MICU3: variants seen among roughly 807,000 people sequenced by gnomAD.
MICU3 encodes the protein calcium uptake protein 3, mitochondrial.
Under a neutral mutation model 66.5 loss-of-function variants are expected in MICU3, and 62 were observed. The observed-to-expected ratio is 0.93, with a 90% CI of 0.76 to 1.15. MICU3 has a LOEUF of 1.15. Ranked by LOEUF, MICU3 falls within the 50% of genes most tolerant of loss-of-function variation. MICU3 has a pLI of 0.00. For missense variants in MICU3, 779 were observed against 664.4 expected (o/e 1.17, Z -1.90); for synonymous variants, 308 against 240.7 (o/e 1.28, Z -2.59).
At chr8:17,029,463 C>T (rs540630560) in intron 1 of MICU3, among the ~76,000 whole-genome samples, 59 of 151,716 alleles carry the variant, frequency 3.9e-4, no homozygotes, top group African/African-American at 1.3e-3. Context: ...GTGACAAGAG[C>T]GAAACTCCAT....
intron 1 of MICU3, among the ~76,000 whole-genome samples, chr8:17,059,500 C>A (rs925794243): frequency 6.6e-6 from 1 of 152,050 alleles, no homozygotes; most frequent in East Asian, 1.9e-4. Context: ...TTTTATAGAC[C>A]TACCACTCTA....
chr8:17,030,603 G>A lies in MICU3; in HGVS notation c.381+2943G>A, dbSNP rs559506935. On this transcript the variant is annotated intron_variant, in intron 1 of 14. Transcript: ENST00000318063. ...CTCTTTTTCTCTGATGCTGTTGAGC[G>A]TCTACAAAAAATAGAGATGGGAGGT... Among the ~76,000 whole-genome samples, 16 of 152,156 alleles carry A rather than the reference G, an allele frequency of 1.1e-4. 1 individual carries two copies. The highest frequency in any genetic ancestry group is 5.2e-4 in the Admixed American group (8 of 15,286).
intron 7 of MICU3, among the ~76,000 whole-genome samples, chr8:17,089,286 A>T (rs1799796893): frequency 6.6e-6 from 1 of 152,058 alleles, no homozygotes; most frequent in Admixed American, 6.6e-5. Flanking sequence ...CTCTCCAAAT[A>T]GTCATTACTG....
intron 1 of MICU3, among the ~76,000 whole-genome samples, chr8:17,033,239 GGAAA>G (rs1812393394): frequency 6.6e-6 from 1 of 152,180 alleles, no homozygotes; most frequent in Non-Finnish European, 1.5e-5. Context: ...GGTCTCTTGT[GGAAA>G]GAGTTAGCGA....
intron 1 of MICU3, among the ~76,000 whole-genome samples, chr8:17,031,335 T>A (rs1349698600): frequency 6.6e-6 from 1 of 151,076 alleles, no homozygotes; most frequent in Non-Finnish European, 1.5e-5. Flanking sequence ...TCGCTCAGGC[T>A]GGACTGCAGG....
chr8:17,096,531 G>GT (rs947429556), intron 8 of MICU3, among the ~76,000 whole-genome samples: 1 of 151,746 alleles, frequency 6.6e-6, no homozygotes, highest in Non-Finnish European at 1.5e-5. Context: ...TTTATTAGCT[G>GT]TTTTTTCCTG....
chr8:17,033,684 G>A (rs777256995), intron 1 of MICU3, among the ~76,000 whole-genome samples: 14 of 152,078 alleles, frequency 9.2e-5, no homozygotes, highest in Non-Finnish European at 1.6e-4. Flanking sequence ...TGATTTGCCC[G>A]ACTTGGCCTC....
At chr8:17,119,695 T>A (rs1371025053) in intron 14 of MICU3, among the ~76,000 whole-genome samples, 1 of 151,964 alleles carries the variant, frequency 6.6e-6, no homozygotes, top group Non-Finnish European at 1.5e-5. Context: ...CCCCATAGAG[T>A]TTATTAGATT....
At chr8:17,126,049 A>C (rs574078283), downstream of MICU3, among the ~76,000 whole-genome samples, 1,178 of 151,674 alleles carry the variant, frequency 7.8e-3, 14 homozygotes, top group Middle Eastern at 0.02. Context: ...AAAAAAAAAA[A>C]AAACCTCTCT....
chr8:17,117,542 T>TAAGAG (rs1802801266), intron 13 of MICU3, among the ~76,000 whole-genome samples: 1 of 151,976 alleles, frequency 6.6e-6, no homozygotes, highest in African/African-American at 2.4e-5. Context: ...GAAAAAATGT[T>TAAGAG]CTGTTAAAAT....
intron 1 of MICU3, among the ~76,000 whole-genome samples, chr8:17,039,573 T>A (rs1813673128): frequency 6.6e-6 from 1 of 152,204 alleles, no homozygotes; most frequent in Non-Finnish European, 1.5e-5. Context: ...TTGGGTTTAA[T>A]GTGACTTCTT....
At chr8:17,094,736 A>G (rs973479232) in intron 8 of MICU3, among the ~76,000 whole-genome samples, 3 of 152,024 alleles carry the variant, frequency 2.0e-5, no homozygotes, top group African/African-American at 7.2e-5. Context: ...GCTCATGAAA[A>G]AAGTGGCTAG....
chr8:17,086,891 C>T (rs918279279), intron 6 of MICU3, 73 bp from the exon 7 acceptor site: 1 of 907,470 alleles, frequency 1.1e-6, no homozygotes, highest in East Asian at 2.5e-5. Flanking sequence ...TGGAATATAC[C>T]TAGTCCAGAA....
At chr8:17,043,231 G>A (rs1420608404) in intron 1 of MICU3, among the ~76,000 whole-genome samples, 3 of 152,040 alleles carry the variant, frequency 2.0e-5, no homozygotes, top group East Asian at 1.9e-4. Flanking sequence ...GAGCCACCGC[G>A]CCCGGCCTCA....
intron 5 of MICU3, 91 bp from the exon 6 acceptor site, chr8:17,085,145 A>C: frequency 1.3e-6 from 1 of 777,958 alleles, no homozygotes; most frequent in Non-Finnish European, 2.2e-6. Context: ...TAACCAATAC[A>C]GAATATGAGT....
intron 2 of MICU3, among the ~76,000 whole-genome samples, chr8:17,067,181 A>C (rs1472609020): frequency 2.6e-5 from 4 of 152,200 alleles, no homozygotes; most frequent in South Asian, 2.1e-4. Flanking sequence ...ACAATGTTTC[A>C]TGTACTGAGT....
intron 8 of MICU3, among the ~76,000 whole-genome samples, chr8:17,097,058 C>G (rs1475084081): frequency 1.3e-5 from 2 of 150,474 alleles, no homozygotes; most frequent in African/African-American, 4.9e-5. Flanking sequence ...ATCATTCCTG[C>G]TACTCTTCTA....
chr8:17,059,383 AAACT>A (rs1281806437), intron 1 of MICU3, among the ~76,000 whole-genome samples: 1 of 152,224 alleles, frequency 6.6e-6, no homozygotes, highest in African/African-American at 2.4e-5. Flanking sequence ...ATAATTATCA[AAACT>A]AACAGCAGCC....
intron 2 of MICU3, 92 bp from the exon 3 acceptor site, chr8:17,069,596 G>A: frequency 1.4e-6 from 1 of 736,462 alleles, no homozygotes; most frequent in Non-Finnish European, 2.1e-6. Flanking sequence ...TAAAAGTTTG[G>A]TTATGAGTTA....
Sources: gnomAD v4.1 joint callset for allele counts (sites outside exome capture counted in the v4.1 genomes callset) on GRCh38, gnomAD v4.1.1 for gene constraint, MANE v1.5 for transcripts, NCBI Gene and HGNC (gene_info 2026-07-23, HGNC 2026-07-21) for gene names.